GDAP2: variants seen among roughly 807,000 people sequenced by gnomAD.
GDAP2 encodes ganglioside-induced differentiation-associated protein 2.
GDAP2 carries 51 observed loss-of-function variants against 67.0 expected under a neutral mutation model. That is an observed-to-expected ratio of 0.76 (90% CI 0.61 to 0.96). The LOEUF is 0.96. Ranked by LOEUF, GDAP2 falls within the 40% of genes least tolerant of loss-of-function variation. The probability of loss-of-function intolerance (pLI) is 0.00; values close to 1 mark genes in which losing one functional copy is unlikely to be tolerated. For missense variants in GDAP2, 547 were observed against 588.3 expected, an observed-to-expected ratio of 0.93 and a Z score of 0.73; for synonymous variants, 203 against 207.3, an observed-to-expected ratio of 0.98 and a Z score of 0.18.
At chr1:117,915,001 G>A (rs1373073211) in intron 3 of GDAP2, among the ~76,000 whole-genome samples, 1 of 152,124 alleles carries the variant, frequency 6.6e-6, no homozygotes, top group Admixed American at 6.5e-5. Context: ...TGTGCAGCAG[G>A]CACAGAGAAC....
chr1:117,916,840 C>A (rs948011307), intron 3 of GDAP2, among the ~76,000 whole-genome samples: 2 of 152,022 alleles, frequency 1.3e-5, no homozygotes, highest in African/African-American at 4.8e-5. Context: ...TCAAGACCAG[C>A]CTGGCCAGCA....
At chr1:117,889,003 G>A (rs1648965593) in intron 8 of GDAP2, among the ~76,000 whole-genome samples, 1 of 152,092 alleles carries the variant, frequency 6.6e-6, no homozygotes, top group African/African-American at 2.4e-5. Flanking sequence ...TCTATAGACT[G>A]CCTTCTCAAA....
rs368058159 is a variant in GDAP2, at chr1:117,885,348, A to C, written c.1107+1229T>G. Among the ~76,000 whole-genome samples the C allele has an allele frequency of 2.6e-4, 40 of 152,258 alleles. No homozygotes were observed. The East Asian group carries it at 3.7e-3, about 14-fold the overall frequency. On this transcript the variant is annotated intron_variant, in intron 10 of 13. Transcript: ENST00000369443. ...CACTATATATGACGAAAAAATGTGA[A>C]AGACAAATTCTCCCCCAAACCATGA...
chr1:117,911,455 A>G (rs569191166), intron 5 of GDAP2, among the ~76,000 whole-genome samples: 1 of 152,308 alleles, frequency 6.6e-6, no homozygotes, highest in Non-Finnish European at 1.5e-5. Context: ...TGATTTAACT[A>G]CTCAATGCAT....
In GDAP2 at chr1:117,864,377, C is replaced by T. The variant is rs537603275; in HGVS notation, c.*6192G>A. On this transcript the variant is annotated 3_prime_UTR_variant, in exon 14 of 14. Transcript: ENST00000369443. Reference sequence around the variant, plus strand: ...GCTAGATGAGGACCAAATAACATCACTATGTGCTGAACAAATTAAAGTAAT... The same window carrying T: ...GCTAGATGAGGACCAAATAACATCATTATGTGCTGAACAAATTAAAGTAAT... 2 of 152,256 alleles carry T rather than the reference C, an allele frequency of 1.3e-5. No individual in the cohort carries two copies. The highest frequency in any genetic ancestry group is 2.1e-4 in the South Asian group (1 of 4,820). 9.4% of individuals were successfully genotyped at this position (152,256 alleles called of 1,614,324 possible). A position where few individuals can be genotyped will look rare whatever the true frequency, so the allele number is the denominator to read the frequency against.
intron 5 of GDAP2, among the ~76,000 whole-genome samples, chr1:117,909,266 T>C (rs1649766859): frequency 6.6e-6 from 1 of 152,218 alleles, no homozygotes; most frequent in Non-Finnish European, 1.5e-5. Context: ...TAGTATTTTG[T>C]ATACAGCACA....
At chr1:117,900,713 C>T (rs903630094) in intron 6 of GDAP2, among the ~76,000 whole-genome samples, 9 of 147,608 alleles carry the variant, frequency 6.1e-5, no homozygotes, top group Non-Finnish European at 1.0e-4. Context: ...TTGCAGTGAG[C>T]GAGATTGCGC....
At chr1:117,912,137 C>T (rs897886698) in intron 4 of GDAP2, 55 bp from the exon 5 acceptor site, 3 of 976,604 alleles carry the variant, frequency 3.1e-6, no homozygotes, top group Admixed American at 1.7e-5. Flanking sequence ...AATACATACA[C>T]AACAATATAT....
chr1:117,881,647 C>T (rs10923444), intron 12 of GDAP2, among the ~76,000 whole-genome samples, 176 bp downstream of exon 12: 51,121 of 151,950 alleles, frequency 0.34, 10,040 homozygotes, highest in Non-Finnish European at 0.44. Context: ...CCCACAAAGG[C>T]GCTGGAGTCA....
At chr1:117,876,110 C>A (rs938871726) in intron 13 of GDAP2, among the ~76,000 whole-genome samples, 2 of 152,100 alleles carry the variant, frequency 1.3e-5, no homozygotes, top group South Asian at 4.2e-4. Flanking sequence ...ATGTTAAAAC[C>A]TGATCCCCAG....
At chr1:117,892,349 C>T (rs149769001) in intron 8 of GDAP2, among the ~76,000 whole-genome samples, 34 of 152,182 alleles carry the variant, frequency 2.2e-4, no homozygotes, top group African/African-American at 8.2e-4. Context: ...TTTTCTATTA[C>T]ATTTCTTATA....
At chr1:117,896,188 C>T (rs1453138326) in intron 8 of GDAP2, among the ~76,000 whole-genome samples, 2 of 152,186 alleles carry the variant, frequency 1.3e-5, no homozygotes, top group Non-Finnish European at 2.9e-5. Context: ...GGTGCTAACC[C>T]TCCATCAACC....
In GDAP2 at chr1:117,887,713, CT is replaced by C; in HGVS notation, c.1014del (p.Ala339ProfsTer14). 1 of 1,559,066 alleles carries C rather than the reference CT, an allele frequency of 6.4e-7. No individual in the cohort carries two copies. The highest frequency in any genetic ancestry group is 8.8e-7 in the Non-Finnish European group (1 of 1,130,466). On this transcript the variant is annotated frameshift_variant, in exon 9 of 14. Transcript: ENST00000369443. LOFTEE classifies it high-confidence loss of function. ...SEDLSDIASL[K>X]ALYQTGVDNC... is the part of the protein sequence containing the mutation. ...TTAAGCTCACCTGTTTGGTATAAGG[CT>C]TTTAGAGAAGCAATATCAGACAGAT... is the stretch of plus-strand genomic sequence containing the variant.
At chr1:117,907,966 C>T (rs1649717571) in intron 5 of GDAP2, among the ~76,000 whole-genome samples, 1 of 152,124 alleles carries the variant, frequency 6.6e-6, no homozygotes, top group African/African-American at 2.4e-5. Flanking sequence ...GTCCTGTTTT[C>T]AATTATTCCT....
At chr1:117,873,625 C>A (rs1648361871) in intron 13 of GDAP2, among the ~76,000 whole-genome samples, 1 of 152,114 alleles carries the variant, frequency 6.6e-6, no homozygotes, top group African/African-American at 2.4e-5. Flanking sequence ...ATTTCAATGA[C>A]TGATGGGGCA....
intron 1 of GDAP2, among the ~76,000 whole-genome samples, chr1:117,923,259 A>T (rs1570998507): frequency 6.6e-6 from 1 of 152,242 alleles, no homozygotes; most frequent in African/African-American, 2.4e-5. Context: ...ATACATCCTC[A>T]GCTTATGAAG....
At chr1:117,898,515 G>A (rs1649336405) in intron 7 of GDAP2, among the ~76,000 whole-genome samples, 1 of 152,118 alleles carries the variant, frequency 6.6e-6, no homozygotes, top group South Asian at 2.1e-4. Flanking sequence ...AAGCTTGTGA[G>A]GCATATCTCC....
intron 5 of GDAP2, among the ~76,000 whole-genome samples, chr1:117,911,164 A>G (rs961489832): frequency 1.1e-4 from 16 of 152,214 alleles, no homozygotes; most frequent in African/African-American, 3.9e-4. Flanking sequence ...GTCTCATGCA[A>G]TATGACACAC....
chr1:117,886,561 C>G lies in GDAP2; in HGVS notation c.1107+16G>C. On this transcript the variant is annotated intron_variant, in intron 10 of 13. Transcript: ENST00000369443. ...AATCAACATTGTTTGTAAAACAGAG[C>G]CTTTTTATGGCTTACCTTGTCCATA... The G allele has an allele frequency of 7.6e-7, 1 of 1,317,402 alleles. No individual in the cohort carries two copies. The highest frequency in any genetic ancestry group is 1.1e-6 in the Non-Finnish European group (1 of 910,826). The allele number at this position is 1,317,402 out of a possible 1,614,324, so 81.6% of individuals were successfully genotyped here. A position where few individuals can be genotyped will look rare whatever the true frequency, so the allele number is the denominator to read the frequency against.
Sources: gnomAD v4.1 joint callset for allele counts (sites outside exome capture counted in the v4.1 genomes callset) on GRCh38, gnomAD v4.1.1 for gene constraint, MANE v1.5 for transcripts, NCBI Gene and HGNC (gene_info 2026-07-23, HGNC 2026-07-21) for gene names.